Variants in RFPL1 observed in about 807,000 individuals in gnomAD.
RFPL1 encodes the protein ret finger protein-like 1.
Under a neutral mutation model 9.6 loss-of-function variants are expected in RFPL1, and 6 were observed. The observed-to-expected ratio is 0.62, with a 90% CI of 0.34 to 1.23. The LOEUF is 1.23. RFPL1 is among the 50% of genes most tolerant of loss of function. The pLI, the probability that RFPL1 is intolerant of heterozygous loss-of-function variation, is 0.03. For missense variants in RFPL1, 352 were observed against 398.4 expected (o/e 0.88, Z 0.99); for synonymous variants, 145 against 149.4 (o/e 0.97, Z 0.22).
At chr22:29,439,048 A>C in exon 1 of RFPL1, 1 of 1,614,172 alleles carries the variant, frequency 6.2e-7, no homozygotes, top group Non-Finnish European at 8.5e-7. Flanking sequence ...ATGGTCTCTC[A>C]GAAGAACAAA....
the RFPL1 span, among the ~76,000 whole-genome samples, chr22:29,427,839 G>T: frequency 6.6e-6 from 1 of 152,160 alleles, no homozygotes; most frequent in African/African-American, 2.4e-5. Context: ...TTTACCTGTT[G>T]TTCTGTGTAA....
At chr22:29,422,825 A>T in the RFPL1 span, among the ~76,000 whole-genome samples, 13 of 113,922 alleles carry the variant, frequency 1.1e-4, no homozygotes, top group South Asian at 6.0e-4. Flanking sequence ...ACACACACAC[A>T]CTCTCTCTCT....
the RFPL1 span, among the ~76,000 whole-genome samples, chr22:29,405,478 C>T: frequency 4.2e-4 from 64 of 152,214 alleles, no homozygotes; most frequent in African/African-American, 1.3e-3. Context: ...AAAGTGAAGA[C>T]GCAGGGATAA....
the RFPL1 span, among the ~76,000 whole-genome samples, chr22:29,412,876 T>C: frequency 1.3e-5 from 2 of 152,058 alleles, no homozygotes; most frequent in African/African-American, 4.8e-5. Flanking sequence ...TGCCCCTACC[T>C]CTCTGCTCCT....
the RFPL1 span, among the ~76,000 whole-genome samples, chr22:29,409,939 G>A: frequency 6.6e-6 from 1 of 152,050 alleles, no homozygotes; most frequent in East Asian, 1.9e-4. Context: ...TTTCTCAGTA[G>A]CAACTTTTTC....
chr22:29,429,997 C>T, the RFPL1 span, among the ~76,000 whole-genome samples: 2 of 150,662 alleles, frequency 1.3e-5, no homozygotes, highest in African/African-American at 4.9e-5. Flanking sequence ...TTTGGACATT[C>T]CTGAGGTTAT....
chr22:29,416,321 G>C, the RFPL1 span, among the ~76,000 whole-genome samples: 2 of 152,162 alleles, frequency 1.3e-5, no homozygotes, highest in African/African-American at 4.8e-5. Context: ...CCGGAGTCAG[G>C]GGTTCAGCTT....
At chr22:29,393,804 T>G in the RFPL1 span, among the ~76,000 whole-genome samples, 1 of 152,180 alleles carries the variant, frequency 6.6e-6, no homozygotes, top group Non-Finnish European at 1.5e-5. Context: ...AGACAGAGTC[T>G]CACTCTTTTT....
chr22:29,408,859 CA>C, the RFPL1 span, among the ~76,000 whole-genome samples: 95 of 152,202 alleles, frequency 6.2e-4, no homozygotes, highest in African/African-American at 2.2e-3. Context: ...CTAAATATTC[CA>C]AAAAACCCAC....
chr22:29,416,907 G>A, the RFPL1 span, among the ~76,000 whole-genome samples: 8 of 152,202 alleles, frequency 5.3e-5, no homozygotes, highest in Admixed American at 2.6e-4. Flanking sequence ...CATGGTACCC[G>A]TGGTCCCAGA....
At chr22:29,432,580 A>G in the RFPL1 span, among the ~76,000 whole-genome samples, 2 of 152,184 alleles carry the variant, frequency 1.3e-5, no homozygotes, top group African/African-American at 4.8e-5. Flanking sequence ...TTAGTCTCAA[A>G]GTGTGGCGTT....
At chr22:29,404,267 T>C in the RFPL1 span, among the ~76,000 whole-genome samples, 1 of 152,314 alleles carries the variant, frequency 6.6e-6, no homozygotes, top group East Asian at 1.9e-4. Context: ...TGTTTTCTCC[T>C]TAACTTCAGT....
chr22:29,432,074 T>TA, the RFPL1 span, among the ~76,000 whole-genome samples: 2 of 152,216 alleles, frequency 1.3e-5, no homozygotes, highest in African/African-American at 4.8e-5. Flanking sequence ...GAAGGTGTGA[T>TA]ACGCTAACTT....
At chr22:29,412,358 G>A in the RFPL1 span, among the ~76,000 whole-genome samples, 486 of 152,224 alleles carry the variant, frequency 3.2e-3, 1 homozygote, top group Non-Finnish European at 5.0e-3. Context: ...TCAACTAGAC[G>A]TAGCCCCCCA....
chr22:29,441,096 C>T (rs2062836492), intron 1 of RFPL1: 1 of 165,796 alleles, frequency 6.0e-6, no homozygotes. Context: ...AATTAATTTG[C>T]TTACAAACAT....
the RFPL1 span, among the ~76,000 whole-genome samples, chr22:29,429,650 A>G: frequency 6.6e-6 from 1 of 152,222 alleles, no homozygotes; most frequent in African/African-American, 2.4e-5. Context: ...AATCTCAAAT[A>G]ATAAGATTGA....
chr22:29,399,872 C>G, the RFPL1 span, among the ~76,000 whole-genome samples: 1 of 152,034 alleles, frequency 6.6e-6, no homozygotes, highest in South Asian at 2.1e-4. Flanking sequence ...CCCTCTTCAA[C>G]TTTTGTGATG....
chr22:29,396,671 G>A, the RFPL1 span, among the ~76,000 whole-genome samples: 1 of 152,096 alleles, frequency 6.6e-6, no homozygotes. Context: ...TTGGAGGGAG[G>A]TCTTACCATG....
chr22:29,442,219 T>C (rs1445920694), exon 2 of RFPL1: 10 of 856,318 alleles, frequency 1.2e-5, no homozygotes, highest in East Asian at 2.6e-5. Flanking sequence ...TACAAAGTCA[T>C]AGGAGAAAAA....
Sources: allele counts gnomAD v4.1 joint callset (sites outside exome capture counted in the v4.1 genomes callset), GRCh38; gene constraint gnomAD v4.1.1; transcripts MANE v1.5; gene names NCBI Gene and HGNC (gene_info 2026-07-23, HGNC 2026-07-21).